THTPA: variants seen among roughly 807,000 people sequenced by gnomAD.
THTPA encodes thiamine-triphosphatase.
In THTPA, 16 loss-of-function variants were observed where a neutral mutation model predicts 16.5. The ratio of observed to expected loss-of-function variants is 0.97; its 90% CI spans 0.66 to 1.47. The LOEUF (loss-of-function observed/expected upper bound fraction) is 1.47. Among genes scored for constraint, THTPA ranks in the 40% most tolerant of loss-of-function variants. THTPA has a pLI of 0.00. For missense variants in THTPA, 281 were observed against 280.9 expected, an observed-to-expected ratio of 1.00 and a Z score of 0.00; for synonymous variants, 110 against 115.5, an observed-to-expected ratio of 0.95 and a Z score of 0.30.
chr14:23,530,255 A>G, the THTPA span: 229 of 1,277,010 alleles, frequency 1.8e-4, 2 homozygotes, highest in East Asian at 2.7e-3. Flanking sequence ...GGGAGGACAT[A>G]GGACAGAGGA....
chr14:23,532,961 AG>A, the THTPA span: 1 of 1,536,186 alleles, frequency 6.5e-7, no homozygotes, highest in Non-Finnish European at 8.7e-7. Flanking sequence ...CTGGCACACT[AG>A]GCAGCGGAAC....
the THTPA span, among the ~76,000 whole-genome samples, chr14:23,537,103 G>A: frequency 1.5e-4 from 23 of 152,214 alleles, no homozygotes; most frequent in East Asian, 3.9e-3. Flanking sequence ...CTGCACCATC[G>A]GGACTGCACC....
At chr14:23,554,491 C>T (rs995291219), upstream of THTPA, among the ~76,000 whole-genome samples, 18 of 152,200 alleles carry the variant, frequency 1.2e-4, no homozygotes, top group African/African-American at 4.3e-4. Flanking sequence ...ATCCCGCTGC[C>T]TCAACCTCCT....
At chr14:23,515,920 C>T in the THTPA span, among the ~76,000 whole-genome samples, 6 of 152,120 alleles carry the variant, frequency 3.9e-5, no homozygotes, top group Non-Finnish European at 7.4e-5. Context: ...GAACAGCCAA[C>T]GTGAGCAGAA....
At chr14:23,534,209 C>T in the THTPA span, 4 of 1,496,282 alleles carry the variant, frequency 2.7e-6, no homozygotes, top group Non-Finnish European at 3.6e-6. The surrounding 1 kb of genome is among the most constrained non-coding windows in gnomAD (Gnocchi z 4.5). Flanking sequence ...GGGAACCAAT[C>T]TGGCCCTGCC....
chr14:23,526,059 G>T, the THTPA span: 1 of 1,536,512 alleles, frequency 6.5e-7, no homozygotes. Flanking sequence ...CCTTCCTTGG[G>T]CTCTTCTTGG....
chr14:23,533,836 C>A, the THTPA span: 3 of 1,540,850 alleles, frequency 1.9e-6, no homozygotes, highest in Non-Finnish European at 1.7e-6. The surrounding 1 kb of genome is among the most constrained non-coding windows in gnomAD (Gnocchi z 4.8). Context: ...GCTCTCTCCA[C>A]GAGCAAGGCG....
At chr14:23,534,370 G>A in the THTPA span, 6 of 1,536,662 alleles carry the variant, frequency 3.9e-6, no homozygotes, top group Non-Finnish European at 4.4e-6. This position sits in a 1 kb window ranked among gnomAD's most constrained non-coding sequence, Gnocchi z 4.5. Context: ...CTCTGTCTGG[G>A]CCACATTCGC....
At chr14:23,522,606 G>A in the THTPA span, 5 of 1,531,400 alleles carry the variant, frequency 3.3e-6, no homozygotes, top group African/African-American at 6.9e-5. Context: ...AAGACAGCTG[G>A]CGGTGCTGTT....
At chr14:23,515,581 C>G in the THTPA span, among the ~76,000 whole-genome samples, 17 of 152,182 alleles carry the variant, frequency 1.1e-4, no homozygotes, top group African/African-American at 4.1e-4. Flanking sequence ...CCTCAGAAAA[C>G]TAGACCTTGA....
At position 23,556,726 on chromosome 14, in the gene THTPA, A is replaced by C; in HGVS notation, c.-32A>C. ...CCAGGCTTTGCATCCTTGGGAACTC[A>C]GCAAACGTTTGTTCAGCCAATTGCA... On this transcript the variant is annotated 5_prime_UTR_variant, in exon 1 of 2. Transcript: ENST00000288014. The C allele has an allele frequency of 3.8e-6, 6 of 1,595,394 alleles. No homozygotes were observed. Among genetic ancestry groups the C allele is most frequent in the Non-Finnish European group, 5.1e-6 (6 of 1,171,052 alleles).
At chr14:23,543,936 C>T in the THTPA span, 1 of 151,964 alleles carries the variant, frequency 6.6e-6, no homozygotes, top group Non-Finnish European at 1.5e-5. Context: ...AGGTAAGTTG[C>T]GTAAAGTCTC....
At chr14:23,522,220 T>G in the THTPA span, 1 of 1,478,248 alleles carries the variant, frequency 6.8e-7, no homozygotes, top group Non-Finnish European at 9.0e-7. Flanking sequence ...GCACCCGCAA[T>G]GGGGGTGGCA....
chr14:23,522,325 C>A, the THTPA span: 2 of 1,529,770 alleles, frequency 1.3e-6, no homozygotes, highest in South Asian at 2.4e-5. Flanking sequence ...ACTGGCGGCA[C>A]AGGTAGCGAT....
the THTPA span, chr14:23,514,321 T>C: frequency 6.6e-6 from 1 of 152,426 alleles, no homozygotes; most frequent in African/African-American, 2.4e-5. Flanking sequence ...AAGCACACCA[T>C]TGCCAAGACC....
the THTPA span, among the ~76,000 whole-genome samples, chr14:23,541,280 G>A: frequency 2.0e-5 from 3 of 149,632 alleles, no homozygotes; most frequent in Non-Finnish European, 3.0e-5. Flanking sequence ...AATCTTAGAT[G>A]GACAGGATTT....
the THTPA span, chr14:23,530,211 G>T: frequency 6.6e-7 from 1 of 1,516,842 alleles, no homozygotes; most frequent in Non-Finnish European, 8.9e-7. Flanking sequence ...AGGATGGGGG[G>T]AGAGTCAGCT....
chr14:23,557,401 A>C, intron 1 of THTPA, 97 bp downstream of exon 1: 1 of 1,355,860 alleles, frequency 7.4e-7, no homozygotes, highest in Admixed American at 3.0e-5. Context: ...CCTCCGGATT[A>C]AAAATTTTTT....
At chr14:23,525,162 C>T in the THTPA span, 85 of 1,536,128 alleles carry the variant, frequency 5.5e-5, no homozygotes, top group South Asian at 9.5e-5. The surrounding 1 kb of genome is among the most constrained non-coding windows in gnomAD (Gnocchi z 5.9). Context: ...AACCGGCGGC[C>T]GGCAGGCACC....
Sources: gnomAD v4.1 joint callset for allele counts (sites outside exome capture counted in the v4.1 genomes callset) on GRCh38, gnomAD v4.1.1 for gene constraint, Gnocchi (gnomAD v3.1) non-coding constraint, MANE v1.5 for transcripts, NCBI Gene and HGNC (gene_info 2026-07-23, HGNC 2026-07-21) for gene names.